Variants in MACROD2 observed in about 807,000 individuals in gnomAD.
The protein encoded by MACROD2 is mono-ADP ribosylhydrolase 2, also known as ADP-ribose glycohydrolase MACROD2.
MACROD2 carries 36 observed loss-of-function variants against 70.4 expected under a neutral mutation model. The observed-to-expected ratio is 0.51, with a 90% CI of 0.39 to 0.68. The LOEUF (loss-of-function observed/expected upper bound fraction) is 0.68. MACROD2 is among the 30% of genes least tolerant of loss of function. The pLI, the probability that MACROD2 is intolerant of heterozygous loss-of-function variation, is 0.00. For synonymous variants in MACROD2, 172 were observed against 178.8 expected (o/e 0.96, Z 0.30); for missense variants, 496 against 538.4 (o/e 0.92, Z 0.78).
At chr20:15,341,207 A>G (rs1252459792) in intron 6 of MACROD2, among the ~76,000 whole-genome samples, 1 of 152,200 alleles carries the variant, frequency 6.6e-6, no homozygotes, top group Non-Finnish European at 1.5e-5. Flanking sequence ...AGTATTGACA[A>G]GTAGTTTTCA....
intron 12 of MACROD2, among the ~76,000 whole-genome samples, chr20:15,943,405 C>T (rs1223201207): frequency 1.3e-5 from 2 of 152,160 alleles, no homozygotes; most frequent in African/African-American, 2.4e-5. Context: ...CCCCACTAAG[C>T]GTCCTCACCC....
chr20:14,016,207 A>T (rs2052989397), intron 2 of MACROD2, among the ~76,000 whole-genome samples: 1 of 152,200 alleles, frequency 6.6e-6, no homozygotes, highest in Non-Finnish European at 1.5e-5. Flanking sequence ...ATAGATGCTT[A>T]TTGGCCATGT....
intron 6 of MACROD2, among the ~76,000 whole-genome samples, chr20:15,264,363 A>G (rs1281485416): frequency 6.6e-6 from 1 of 152,202 alleles, no homozygotes; most frequent in Non-Finnish European, 1.5e-5. Context: ...GGCAAAGGGA[A>G]CCTTCCTTCA....
intron 4 of MACROD2, among the ~76,000 whole-genome samples, chr20:14,616,981 T>G (rs1983521150): frequency 6.6e-6 from 1 of 152,138 alleles, no homozygotes; most frequent in Non-Finnish European, 1.5e-5. Context: ...GAGTCTCAAT[T>G]TTATTGCTTT....
At chr20:14,046,569 A>G (rs898522255) in intron 2 of MACROD2, among the ~76,000 whole-genome samples, 1 of 152,084 alleles carries the variant, frequency 6.6e-6, no homozygotes, top group Non-Finnish European at 1.5e-5. Context: ...AGCATTGTTT[A>G]TTGATCTCTT....
chr20:15,668,898 C>T (rs929596509), intron 8 of MACROD2, among the ~76,000 whole-genome samples: 2 of 152,080 alleles, frequency 1.3e-5, no homozygotes, highest in African/African-American at 2.4e-5. Context: ...CTAGTAGGCT[C>T]CTGTAAATAA....
intron 5 of MACROD2, among the ~76,000 whole-genome samples, chr20:14,969,788 T>A (rs934830749): frequency 2.0e-5 from 3 of 152,188 alleles, no homozygotes; most frequent in African/African-American, 7.2e-5. Context: ...TTCTTTCACT[T>A]TGGGTCATGG....
At chr20:15,324,762 G>A (rs2077909914) in intron 6 of MACROD2, among the ~76,000 whole-genome samples, 1 of 152,026 alleles carries the variant, frequency 6.6e-6, no homozygotes, top group South Asian at 2.1e-4. Context: ...CAACCACAAG[G>A]GAAGTAGAAA....
At chr20:14,443,811 T>C (rs1422414962) in intron 3 of MACROD2, among the ~76,000 whole-genome samples, 1 of 152,094 alleles carries the variant, frequency 6.6e-6, no homozygotes, top group African/African-American at 2.4e-5. Flanking sequence ...TAAGCCATAG[T>C]CTCCTTGCCT....
chr20:15,966,305 T>A (rs570476447), intron 12 of MACROD2, among the ~76,000 whole-genome samples: 1 of 152,330 alleles, frequency 6.6e-6, no homozygotes, highest in Admixed American at 6.5e-5. Flanking sequence ...TTCTCCATGG[T>A]CACACGCTTA....
chr20:15,148,525 G>A (rs1053040699), intron 5 of MACROD2, among the ~76,000 whole-genome samples: 8 of 152,056 alleles, frequency 5.3e-5, no homozygotes, highest in Non-Finnish European at 1.2e-4. Flanking sequence ...GAAAAACAGT[G>A]TAAACTGGCA....
At chr20:15,846,905 A>T (rs2064236740) in intron 8 of MACROD2, among the ~76,000 whole-genome samples, 2 of 91,500 alleles carry the variant, frequency 2.2e-5, no homozygotes, top group African/African-American at 8.3e-5. Context: ...ATAGTCAAAA[A>T]AAAAATTATA....
intron 5 of MACROD2, among the ~76,000 whole-genome samples, chr20:14,702,555 A>G (rs562675042): frequency 5.4e-5 from 7 of 129,734 alleles, no homozygotes; most frequent in East Asian, 2.4e-4. Flanking sequence ...GTGTGTGTGT[A>G]TATATATATA....
At chr20:15,879,847 AC>A (rs1475026642) in intron 9 of MACROD2, among the ~76,000 whole-genome samples, 7 of 152,084 alleles carry the variant, frequency 4.6e-5, no homozygotes, top group Non-Finnish European at 8.8e-5. Flanking sequence ...AGGCCTGAGA[AC>A]CAATGGAACC....
intron 8 of MACROD2, among the ~76,000 whole-genome samples, chr20:15,557,716 A>G (rs1314108706): frequency 6.6e-6 from 1 of 152,174 alleles, no homozygotes; most frequent in Admixed American, 6.5e-5. Context: ...ATCTTTCTGA[A>G]CTCATGATGG....
At chr20:14,735,100 A>G (rs1342919052) in intron 5 of MACROD2, among the ~76,000 whole-genome samples, 2 of 152,210 alleles carry the variant, frequency 1.3e-5, no homozygotes, top group Non-Finnish European at 2.9e-5. Flanking sequence ...TATGACACCA[A>G]CAAGTAATAA....
chr20:15,945,809 T>A (rs1371518214), intron 12 of MACROD2, among the ~76,000 whole-genome samples: 1 of 152,208 alleles, frequency 6.6e-6, no homozygotes, highest in African/African-American at 2.4e-5. Flanking sequence ...AAGCCAAATC[T>A]GTCTGAACCC....
At chr20:15,152,153 G>A (rs200751052) in intron 5 of MACROD2, among the ~76,000 whole-genome samples, 31 of 152,066 alleles carry the variant, frequency 2.0e-4, no homozygotes, top group African/African-American at 4.8e-4. Context: ...TGAAAGTGCC[G>A]TTTTCCGGCT....
At chr20:15,614,640 A>G (rs999272617) in intron 8 of MACROD2, among the ~76,000 whole-genome samples, 2 of 152,118 alleles carry the variant, frequency 1.3e-5, no homozygotes. Context: ...GCCCTGTTAC[A>G]ATAAAAAAGT....
Sources: allele counts gnomAD v4.1 joint callset (sites outside exome capture counted in the v4.1 genomes callset), GRCh38; gene constraint gnomAD v4.1.1; transcripts MANE v1.5; gene names NCBI Gene and HGNC (gene_info 2026-07-23, HGNC 2026-07-21).